KCNIP1: variants seen among roughly 807,000 people sequenced by gnomAD.
The protein encoded by KCNIP1 is potassium voltage-gated channel interacting protein 1.
Under a neutral mutation model 33.0 loss-of-function variants are expected in KCNIP1, and 18 were observed. The ratio of observed to expected loss-of-function variants is 0.55; its 90% CI spans 0.38 to 0.81. The LOEUF is 0.81. Ranked by LOEUF, KCNIP1 falls within the 30% of genes least tolerant of loss-of-function variation. The pLI is 0.00. For synonymous variants in KCNIP1, 93 were observed against 98.3 expected, an observed-to-expected ratio of 0.95 and a Z score of 0.32; for missense variants, 238 against 271.6, an observed-to-expected ratio of 0.88 and a Z score of 0.87.
chr5:170,675,228 G>C (rs925917042), intron 1 of KCNIP1, among the ~76,000 whole-genome samples: 1 of 151,878 alleles, frequency 6.6e-6, no homozygotes, highest in African/African-American at 2.4e-5. Flanking sequence ...GAGCCCAGGG[G>C]GCTGAGGCTG....
intron 1 of KCNIP1, among the ~76,000 whole-genome samples, chr5:170,699,089 C>A (rs1358407009): frequency 3.9e-5 from 6 of 152,118 alleles, no homozygotes; most frequent in African/African-American, 1.4e-4. Context: ...TTTAAAGTGA[C>A]TTAAAAATAA....
At chr5:170,593,782 G>A (rs985705203) in intron 1 of KCNIP1, among the ~76,000 whole-genome samples, 16 of 152,140 alleles carry the variant, frequency 1.1e-4, no homozygotes, top group African/African-American at 2.2e-4. Flanking sequence ...GGAGGGAGCC[G>A]GAGGGGTTGC....
chr5:170,448,120 G>C (rs993694744), intron 1 of KCNIP1, among the ~76,000 whole-genome samples: 1 of 152,088 alleles, frequency 6.6e-6, no homozygotes, highest in African/African-American at 2.4e-5. Flanking sequence ...CATGAGGACA[G>C]AAGTGCATCT....
intron 1 of KCNIP1, among the ~76,000 whole-genome samples, chr5:170,365,107 C>T (rs1763621955): frequency 6.6e-6 from 1 of 152,138 alleles, no homozygotes; most frequent in African/African-American, 2.4e-5. Flanking sequence ...TTTGCCTGGC[C>T]TTGACTACTT....
chr5:170,451,723 T>TGTG (rs1756255311), intron 1 of KCNIP1, among the ~76,000 whole-genome samples: 96 of 122,974 alleles, frequency 7.8e-4, no homozygotes, highest in South Asian at 3.0e-3. Context: ...TTCTCCTGCA[T>TGTG]TGTGTGTGTG....
intron 1 of KCNIP1, among the ~76,000 whole-genome samples, chr5:170,627,084 G>A (rs991057910): frequency 6.6e-6 from 1 of 152,158 alleles, no homozygotes; most frequent in Non-Finnish European, 1.5e-5. Context: ...AGTGGGGGCC[G>A]TGGCTCTGAC....
intron 5 of KCNIP1, among the ~76,000 whole-genome samples, chr5:170,731,111 AT>A (rs1764178430): frequency 6.6e-6 from 1 of 152,170 alleles, no homozygotes; most frequent in South Asian, 2.1e-4. Context: ...TACAGTAATA[AT>A]TTTTGCAGGC....
At position 170,504,169 on chromosome 5, in the gene KCNIP1, G is replaced by T. The variant is rs1397037558; in HGVS notation, c.-404G>T. On this transcript the variant is annotated 5_prime_UTR_variant, in exon 1 of 8. Coordinates refer to ENST00000328939, the MANE Select transcript of KCNIP1 (RefSeq NM_014592.4). The surrounding 1 kb of genome is among the most constrained non-coding windows in gnomAD (Gnocchi z 6.0). ...GCGCAGGGAGGGGAGCCGAGTGTGC[G>T]GCAGGAGGGGCGGGCGGACGGCGGC... The T allele has an allele frequency of 1.3e-5, 13 of 1,008,100 alleles. No homozygotes were observed. Among genetic ancestry groups the T allele is most frequent in the Non-Finnish European group, 1.5e-5 (13 of 845,666 alleles). 62.4% of individuals were successfully genotyped at this position (1,008,100 alleles called of 1,614,324 possible). A position where few individuals can be genotyped will look rare whatever the true frequency, so the allele number is the denominator to read the frequency against.
At chr5:170,500,590 G>T (rs937238258), upstream of KCNIP1, among the ~76,000 whole-genome samples, 48 of 152,158 alleles carry the variant, frequency 3.2e-4, no homozygotes, top group Non-Finnish European at 6.6e-4. Context: ...TTTGCTCTCT[G>T]TTGCAAGTTC....
intron 1 of KCNIP1, among the ~76,000 whole-genome samples, chr5:170,527,892 G>A (rs1755640329): frequency 1.3e-5 from 2 of 151,926 alleles, no homozygotes; most frequent in African/African-American, 4.8e-5. Flanking sequence ...CATTTGGGGG[G>A]ACGCACTTAA....
upstream of KCNIP1, among the ~76,000 whole-genome samples, chr5:170,502,043 G>A (rs1757423461): frequency 6.6e-6 from 1 of 152,186 alleles, no homozygotes; most frequent in Non-Finnish European, 1.5e-5. Context: ...TGTGAGCAGG[G>A]GTTCCCCAGG....
chr5:170,519,214 CAAT>C, intron 1 of KCNIP1, among the ~76,000 whole-genome samples: 1 of 152,120 alleles, frequency 6.6e-6, no homozygotes, highest in Non-Finnish European at 1.5e-5. Flanking sequence ...ATATATGGGT[CAAT>C]AATGATAGAC....
intron 1 of KCNIP1, among the ~76,000 whole-genome samples, chr5:170,626,469 C>T (rs1055294240): frequency 2.0e-5 from 3 of 152,180 alleles, no homozygotes; most frequent in East Asian, 1.9e-4. Flanking sequence ...CCAGCCAGTA[C>T]GCCTGGACAC....
upstream of KCNIP1, among the ~76,000 whole-genome samples, chr5:170,503,734 A>ACACACACACACACGCACGCACAT (rs1404894796): frequency 3.5e-5 from 2 of 57,416 alleles, no homozygotes; most frequent in Non-Finnish European, 7.6e-5. Flanking sequence ...TCACACACAC[A>ACACACACACACACGCACGCACAT]CACACACACA....
At chr5:170,406,691 C>T (rs1356093699) in intron 1 of KCNIP1, among the ~76,000 whole-genome samples, 2 of 152,166 alleles carry the variant, frequency 1.3e-5, no homozygotes, top group Non-Finnish European at 2.9e-5. Context: ...CTTCCTATGT[C>T]GGCCCCAGAA....
chr5:170,365,401 GTTAA>G (rs1187109549), intron 1 of KCNIP1, among the ~76,000 whole-genome samples: 1 of 152,200 alleles, frequency 6.6e-6, no homozygotes, highest in Non-Finnish European at 1.5e-5. Context: ...GACATGAGGG[GTTAA>G]TTAAGATAGT....
chr5:170,705,040 G>A (rs776309160), intron 1 of KCNIP1, among the ~76,000 whole-genome samples: 18 of 152,150 alleles, frequency 1.2e-4, no homozygotes, highest in Non-Finnish European at 2.2e-4. Flanking sequence ...AATAAATCAC[G>A]AAGTTCATAA....
chr5:170,541,331 C>T (rs181482079), intron 1 of KCNIP1, among the ~76,000 whole-genome samples: 71 of 152,308 alleles, frequency 4.7e-4, no homozygotes, highest in African/African-American at 1.6e-3. Context: ...CTCACCGTCA[C>T]CCCCTGGAGT....
At chr5:170,394,769 C>T (rs1315047323) in intron 1 of KCNIP1, among the ~76,000 whole-genome samples, 2 of 152,122 alleles carry the variant, frequency 1.3e-5, no homozygotes, top group Admixed American at 6.5e-5. Flanking sequence ...CTTTTGGAGT[C>T]CCCAGTATCT....
Sources: allele counts gnomAD v4.1 joint callset (sites outside exome capture counted in the v4.1 genomes callset), GRCh38; gene constraint gnomAD v4.1.1; non-coding constraint Gnocchi (gnomAD v3.1); transcripts MANE v1.5; gene names NCBI Gene and HGNC (gene_info 2026-07-23, HGNC 2026-07-21).